The following HPSE2 variants were observed in gnomAD, a reference collection of about 807,000 sequenced individuals.
HPSE2 encodes inactive heparanase-2.
Under a neutral mutation model 60.5 loss-of-function variants are expected in HPSE2, and 38 were observed. The ratio of observed to expected loss-of-function variants is 0.63; its 90% CI spans 0.48 to 0.82. The LOEUF (loss-of-function observed/expected upper bound fraction) is 0.82. Ranked by LOEUF, HPSE2 falls within the 40% of genes least tolerant of loss-of-function variation. HPSE2 has a pLI of 0.00. For missense variants in HPSE2, 713 were observed against 740.4 expected, an observed-to-expected ratio of 0.96 and a Z score of 0.43; for synonymous variants, 295 against 293.2, an observed-to-expected ratio of 1.01 and a Z score of -0.06.
At chr10:98,809,645 C>T (rs770517945) in intron 3 of HPSE2, among the ~76,000 whole-genome samples, 1 of 151,946 alleles carries the variant, frequency 6.6e-6, no homozygotes, top group African/African-American at 2.4e-5. Flanking sequence ...CTTTTTGCTA[C>T]AATAATTTTT....
At chr10:98,653,433 C>CT (rs1565050807) in intron 6 of HPSE2, among the ~76,000 whole-genome samples, 1 of 150,142 alleles carries the variant, frequency 6.7e-6, no homozygotes, top group African/African-American at 2.4e-5. Context: ...TTAATCTCTT[C>CT]TTTTTTTGTT....
chr10:98,975,081 A>G (rs1288306946), intron 3 of HPSE2, among the ~76,000 whole-genome samples: 1 of 152,182 alleles, frequency 6.6e-6, no homozygotes, highest in Admixed American at 6.5e-5. Flanking sequence ...CTTCTAATTT[A>G]CTTTTGATTT....
At chr10:98,580,532 T>A (rs1390040590) in intron 9 of HPSE2, among the ~76,000 whole-genome samples, 1 of 152,084 alleles carries the variant, frequency 6.6e-6, no homozygotes, top group Non-Finnish European at 1.5e-5. Flanking sequence ...GGGAATTATA[T>A]TTTTAATTTC....
Position 98,960,735 on chromosome 10 carries a change from A to AT in HPSE2, c.610+183502dup, listed in dbSNP as rs1192601127. Among the ~76,000 whole-genome samples, 53 of 48,380 alleles carry AT rather than the reference A, an allele frequency of 1.1e-3. 3 individuals carry two copies. The highest frequency in any genetic ancestry group is 4.0e-3 in the African/African-American group (50 of 12,590). 31.7% of individuals were successfully genotyped at this position (48,380 alleles called of 152,430 possible). Reference sequence around the variant, plus strand: ...TTTTTTTTTTTGTTTTATTTTTTTTATTTTATTTTTTTTTTTATTATACTC... The same window carrying AT: ...TTTTTTTTTTTGTTTTATTTTTTTTATTTTTATTTTTTTTTTTATTATACTC... On this transcript the variant is annotated intron_variant, in intron 3 of 11. Transcript: ENST00000370552.
chr10:98,818,837 T>C (rs1033900881), intron 3 of HPSE2, among the ~76,000 whole-genome samples: 1 of 152,192 alleles, frequency 6.6e-6, no homozygotes, highest in African/African-American at 2.4e-5. Flanking sequence ...GTTTAGATGA[T>C]GATCTTACAA....
chr10:98,773,524 C>A (rs1950282757), intron 3 of HPSE2, among the ~76,000 whole-genome samples: 1 of 152,110 alleles, frequency 6.6e-6, no homozygotes, highest in African/African-American at 2.4e-5. Flanking sequence ...TTATAAGTCT[C>A]CAAAAACACT....
intron 3 of HPSE2, among the ~76,000 whole-genome samples, chr10:99,111,097 C>T (rs575918068): frequency 1.4e-4 from 21 of 152,224 alleles, no homozygotes; most frequent in African/African-American, 4.6e-4. Context: ...ATTACCCTTC[C>T]TCCTTTGTCA....
chr10:98,812,479 T>C lies in HPSE2; in HGVS notation c.611-68423A>G, dbSNP rs148372948. 9.2e-3 allele frequency among the ~76,000 whole-genome samples: 1,399 copies of C among 152,280 alleles called. 24 individuals carry two copies. Among genetic ancestry groups the C allele is most frequent in the Middle Eastern group, 0.065 (19 of 294 alleles). On this transcript the variant is annotated intron_variant, in intron 3 of 11. Transcript: ENST00000370552. Reference sequence around the variant, plus strand: ...CCACCTCAGATGAGTCTGATGCAGATGGTCCATGAACCATACTTGAGGAAT... The same window carrying C: ...CCACCTCAGATGAGTCTGATGCAGACGGTCCATGAACCATACTTGAGGAAT...
rs2135724285 is a variant in HPSE2 at position 99,126,663 on chromosome 10, A to T, written c.610+17575T>A. ...AGGTTCTGAGTCTCTACACATGACA[A>T]CTTTACTGCTAGCATAATCCATCAT... is the stretch of plus-strand genomic sequence containing the variant. On this transcript the variant is annotated intron_variant, in intron 3 of 11. Coordinates refer to ENST00000370552, the MANE Select transcript of HPSE2 (RefSeq NM_021828.5). This position sits in a 1 kb window ranked among gnomAD's most constrained non-coding sequence, Gnocchi z 4.0. 6.6e-6 allele frequency among the ~76,000 whole-genome samples: 1 copy of T among 152,292 alleles called. No individual in the cohort carries two copies. Among genetic ancestry groups the T allele is most frequent in the Non-Finnish European group, 1.5e-5 (1 of 68,018 alleles).
the HPSE2 span, among the ~76,000 whole-genome samples, chr10:99,241,824 C>T: frequency 6.6e-6 from 1 of 152,166 alleles, no homozygotes. Flanking sequence ...TTTCCTGTCT[C>T]CCACACGTGC....
At chr10:98,842,179 A>G (rs1315584241) in intron 3 of HPSE2, among the ~76,000 whole-genome samples, 1 of 152,214 alleles carries the variant, frequency 6.6e-6, no homozygotes, top group Non-Finnish European at 1.5e-5. Flanking sequence ...ACATGCATCC[A>G]CTATTGTAAT....
chr10:99,173,809 G>C lies in HPSE2; in HGVS notation c.449-29410C>G, dbSNP rs1345953964. Among the ~76,000 whole-genome samples the C allele has an allele frequency of 2.0e-5, 3 of 151,954 alleles. No homozygotes were observed. The East Asian group carries it at 5.8e-4, about 29-fold the overall frequency. On this transcript the variant is annotated intron_variant, in intron 2 of 11. Coordinates refer to ENST00000370552, the MANE Select transcript of HPSE2 (RefSeq NM_021828.5). ...AGTACAAAAATTAGCCAGGCATGGT[G>C]GCACACACCAGTGGTCCCAGCTACT...
chr10:99,029,924 T>C (rs1957462899), intron 3 of HPSE2, among the ~76,000 whole-genome samples: 1 of 152,160 alleles, frequency 6.6e-6, no homozygotes, highest in Non-Finnish European at 1.5e-5. Context: ...TCCTTGACAC[T>C]TTTCGCTACC....
chr10:98,769,967 G>A (rs1950205742), intron 3 of HPSE2, among the ~76,000 whole-genome samples: 1 of 152,178 alleles, frequency 6.6e-6, no homozygotes, highest in South Asian at 2.1e-4. Context: ...TTATTGCTAA[G>A]TTTGAAGAGT....
At chr10:99,201,419 A>G (rs1848572698) in intron 2 of HPSE2, among the ~76,000 whole-genome samples, 1 of 152,104 alleles carries the variant, frequency 6.6e-6, no homozygotes, top group Non-Finnish European at 1.5e-5. Context: ...CATGAGATAA[A>G]TCTTCCTAAA....
intron 7 of HPSE2, among the ~76,000 whole-genome samples, chr10:98,634,204 T>C (rs542133335): frequency 6.6e-6 from 1 of 152,330 alleles, no homozygotes; most frequent in African/African-American, 2.4e-5. Flanking sequence ...TTACTTCTTT[T>C]ATACTTCAGG....
intron 3 of HPSE2, among the ~76,000 whole-genome samples, chr10:98,826,257 T>G (rs1339295071): frequency 6.6e-6 from 1 of 152,198 alleles, no homozygotes; most frequent in Non-Finnish European, 1.5e-5. Flanking sequence ...ATGAGAAAAC[T>G]CTGAAAGGAT....
chr10:98,767,001 A>G (rs1950134514), intron 3 of HPSE2, among the ~76,000 whole-genome samples: 1 of 152,232 alleles, frequency 6.6e-6, no homozygotes, highest in Non-Finnish European at 1.5e-5. Flanking sequence ...ACTACATAAG[A>G]AACAGCACAT....
At chr10:99,019,751 C>T (rs959399810) in intron 3 of HPSE2, among the ~76,000 whole-genome samples, 3 of 151,694 alleles carry the variant, frequency 2.0e-5, no homozygotes, top group African/African-American at 7.3e-5. Flanking sequence ...ACTCTGTCCC[C>T]CAGGCTGGAG....
Sources: gnomAD v4.1 joint callset for allele counts (sites outside exome capture counted in the v4.1 genomes callset) on GRCh38, gnomAD v4.1.1 for gene constraint, Gnocchi (gnomAD v3.1) non-coding constraint, MANE v1.5 for transcripts, NCBI Gene and HGNC (gene_info 2026-07-23, HGNC 2026-07-21) for gene names.